The following WNK1 variants were observed in gnomAD, a reference collection of about 807,000 sequenced individuals.
WNK1 encodes the protein serine/threonine-protein kinase WNK1.
Under a neutral mutation model 222.8 loss-of-function variants are expected in WNK1, and 38 were observed. That is an observed-to-expected ratio of 0.17 (90% CI 0.13 to 0.22). The LOEUF is 0.22. Ranked by LOEUF, WNK1 falls within the 10% of genes least tolerant of loss-of-function variation. WNK1 has a pLI of 1.00. For synonymous variants in WNK1, 1,090 were observed against 1,092.9 expected, an observed-to-expected ratio of 1.00 and a Z score of 0.05; for missense variants, 2,348 against 2,918.4, an observed-to-expected ratio of 0.80 and a Z score of 4.50.
chr12:901,891 T>G (rs1479293967), intron 26 of WNK1, among the ~76,000 whole-genome samples: 2 of 152,140 alleles, frequency 1.3e-5, no homozygotes, highest in African/African-American at 4.8e-5. Flanking sequence ...TTCATGGATC[T>G]GTGACAGAGA....
At chr12:806,271 T>C (rs1232696782) in intron 1 of WNK1, among the ~76,000 whole-genome samples, 1 of 152,184 alleles carries the variant, frequency 6.6e-6, no homozygotes, top group Non-Finnish European at 1.5e-5. Flanking sequence ...AAGCATGGCA[T>C]GTGAGAATAA....
Position 753,611 on chromosome 12 carries a change from C to T in WNK1, c.46C>T (p.Leu16=), listed in dbSNP as rs1443431827. 3.1e-6 allele frequency: 5 copies of T among 1,612,822 alleles called. No individual in the cohort carries two copies. The highest frequency in any genetic ancestry group is 4.2e-6 in the Non-Finnish European group (5 of 1,179,916). Residue 16 remains leucine, a synonymous_variant, in exon 1 of 28, where the codon CTG becomes TTG. Transcript: ENST00000315939. The surrounding 1 kb of genome is among the most constrained non-coding windows in gnomAD (Gnocchi z 5.2). ...GAAGCAGAGCAGCACTCCCGGTTCC[C>T]TGTTCCTCTCGCCGCCGGCTCCTGC... ...AEKQSSTPGS[L]FLSPPAPAPK...
At chr12:854,103 C>T (rs1468380887) in intron 4 of WNK1, among the ~76,000 whole-genome samples, 5 of 151,834 alleles carry the variant, frequency 3.3e-5, no homozygotes, top group African/African-American at 1.2e-4. Flanking sequence ...TGTGTTAGCT[C>T]ATGCCAGTAA....
intron 1 of WNK1, among the ~76,000 whole-genome samples, chr12:755,638 A>G (rs1358475091): frequency 6.6e-6 from 1 of 151,344 alleles, no homozygotes; most frequent in East Asian, 1.9e-4. Context: ...AAAAAAAAAA[A>G]CCTCGTCAAA....
At chr12:898,003 T>C (rs895566498) in intron 25 of WNK1, among the ~76,000 whole-genome samples, 2 of 152,254 alleles carry the variant, frequency 1.3e-5, no homozygotes, top group Admixed American at 6.5e-5. Flanking sequence ...AACCAAACTC[T>C]TGGGCAGTTG....
chr12:783,093 C>T (rs1156517437), intron 1 of WNK1, among the ~76,000 whole-genome samples: 5 of 150,984 alleles, frequency 3.3e-5, no homozygotes, highest in East Asian at 2.0e-4. Context: ...TTTGTAGAGA[C>T]GGGGGTAGGG....
At chr12:855,479 GTATTTCATT>G (rs1405818149) in intron 4 of WNK1, among the ~76,000 whole-genome samples, 11 of 152,052 alleles carry the variant, frequency 7.2e-5, no homozygotes, top group African/African-American at 1.2e-4. Context: ...ATCATTTTAT[GTATTTCATT>G]TATTTCATTT....
At chr12:831,737 A>G (rs892658956) in intron 4 of WNK1, among the ~76,000 whole-genome samples, 2 of 152,086 alleles carry the variant, frequency 1.3e-5, no homozygotes, top group African/African-American at 4.8e-5. Flanking sequence ...CAGGTTTACC[A>G]TCTGCCACGG....
At chr12:862,585 G>T (rs1027840551) in intron 8 of WNK1, among the ~76,000 whole-genome samples, 6 of 152,226 alleles carry the variant, frequency 3.9e-5, no homozygotes, top group African/African-American at 1.4e-4. Flanking sequence ...TGTTTTGCGG[G>T]TGGGGCGAGA....
In WNK1 at chr12:896,606, G is replaced by T. The variant is rs1954750390; in HGVS notation, c.6119G>T (p.Ser2040Ile). The change falls in exon 24 of 28, where the codon AGC (serine) becomes ATC (isoleucine). Residue 2040 changes from serine (S) to isoleucine (I), a missense_variant. Around this residue, in one of 13 missense-constraint regions of WNK1, gnomAD observed 1,144 missense variants for 1,273.6 expected, o/e 0.90. Transcript: ENST00000315939. Reference protein sequence around the residue: ...PHSPHQLSSKSLPSQNLSQSL... With the variant: ...PHSPHQLSSKILPSQNLSQSL... ...TCGCCCCATCAGCTGAGCTCAAAGA[G>T]CCTTCCTAGCCAGAATCTAAGTCAA... is the stretch of plus-strand genomic sequence containing the variant. 6.2e-7 allele frequency: 1 copy of T among 1,607,650 alleles called. No homozygotes were observed. Among genetic ancestry groups the T allele is most frequent in the South Asian group, 1.1e-5 (1 of 90,538 alleles).
chr12:880,032 G>C lies in WNK1; in HGVS notation c.2832+1G>C. 1 of 1,613,896 alleles carries C rather than the reference G, an allele frequency of 6.2e-7. No homozygotes were observed. The highest frequency in any genetic ancestry group is 8.5e-7 in the Non-Finnish European group (1 of 1,179,962). The stretch of plus-strand genomic sequence containing the variant: ...TTCCTCTGGAGATGTTCTGTACCAG[G>C]TATTGTGTTAGTTAGCAAAAGAGGG... On this transcript the variant is annotated splice_donor_variant, in intron 11 of 27. Transcript: ENST00000315939. LOFTEE classifies it high-confidence loss of function.
At chr12:883,102 A>G in intron 15 of WNK1, 43 bp downstream of exon 15, 1 of 1,358,896 alleles carries the variant, frequency 7.4e-7, no homozygotes, top group East Asian at 2.3e-5. Flanking sequence ...TTAGTACTTG[A>G]TCTTAATAGC....
intron 1 of WNK1, among the ~76,000 whole-genome samples, chr12:772,103 CA>C (rs201627213): frequency 6.6e-6 from 1 of 151,806 alleles, no homozygotes; most frequent in Non-Finnish European, 1.5e-5. Context: ...AATTCATACA[CA>C]AAAAAGATGC....
In WNK1 at chr12:804,530, G is replaced by A. The variant is rs139126580; in HGVS notation, c.760-9112G>A. 4.2e-3 allele frequency among the ~76,000 whole-genome samples: 633 copies of A among 151,538 alleles called. 3 individuals carry two copies. Among genetic ancestry groups the A allele is most frequent in the African/African-American group, 0.014 (593 of 41,280 alleles). Reference sequence around the variant, plus strand: ...TGAGATTACAGGCTCCCGCTGCCACGCCCAGCTAATTTTTGTATTTTTAGT... The same window carrying A: ...TGAGATTACAGGCTCCCGCTGCCACACCCAGCTAATTTTTGTATTTTTAGT... On this transcript the variant is annotated intron_variant, in intron 1 of 27. Coordinates refer to ENST00000315939, the MANE Select transcript of WNK1 (RefSeq NM_018979.4).
intron 1 of WNK1, among the ~76,000 whole-genome samples, chr12:767,240 T>G (rs1008011023): frequency 2.7e-4 from 4 of 14,966 alleles, no homozygotes; most frequent in African/African-American, 5.4e-4. Flanking sequence ...ATAGGTTTTT[T>G]TTTTTTTTTT....
intron 4 of WNK1, among the ~76,000 whole-genome samples, chr12:835,657 G>A (rs1327989191): frequency 6.6e-6 from 1 of 151,968 alleles, no homozygotes; most frequent in African/African-American, 2.4e-5. Flanking sequence ...AATGTTGATA[G>A]AAGTCAGTAA....
chr12:810,858 T>C (rs1946840566), intron 1 of WNK1, among the ~76,000 whole-genome samples: 1 of 152,188 alleles, frequency 6.6e-6, no homozygotes, highest in African/African-American at 2.4e-5. Flanking sequence ...GCAATTGTTT[T>C]AGTTGTTGCC....
intron 1 of WNK1, among the ~76,000 whole-genome samples, chr12:811,254 A>ATATG (rs1371895945): frequency 1.3e-5 from 2 of 152,192 alleles, no homozygotes; most frequent in African/African-American, 4.8e-5. Flanking sequence ...TTTAAACAAT[A>ATATG]TATGGTTCCT....
intron 22 of WNK1, among the ~76,000 whole-genome samples, chr12:893,201 G>A (rs1954424942): frequency 6.6e-6 from 1 of 152,142 alleles, no homozygotes; most frequent in Admixed American, 6.5e-5. Flanking sequence ...AGATTGTGGT[G>A]AGCTGTGATG....
Sources: gnomAD v4.1 joint callset for allele counts (sites outside exome capture counted in the v4.1 genomes callset) on GRCh38, gnomAD v4.1.1 for gene constraint, gnomAD v4.1.1 regional missense constraint, Gnocchi (gnomAD v3.1) non-coding constraint, MANE v1.5 for transcripts, NCBI Gene and HGNC (gene_info 2026-07-23, HGNC 2026-07-21) for gene names.